The following MPP7 variants were observed in gnomAD, a reference collection of about 807,000 sequenced individuals.
MPP7 encodes the protein MAGUK p55 scaffold protein 7.
In MPP7, 60 loss-of-function variants were observed where a neutral mutation model predicts 76.5. That is an observed-to-expected ratio of 0.78 (90% confidence interval 0.64 to 0.97). The LOEUF is 0.97. Ranked by LOEUF, MPP7 falls within the 50% of genes least tolerant of loss-of-function variation. The pLI is 0.00. For missense variants in MPP7, 641 were observed against 694.0 expected (o/e 0.92, Z 0.86); for synonymous variants, 237 against 244.5 (o/e 0.97, Z 0.29).
At chr10:28,087,110 G>T (rs116114578) in intron 12 of MPP7, among the ~76,000 whole-genome samples, 18 of 152,144 alleles carry the variant, frequency 1.2e-4, no homozygotes, top group Non-Finnish European at 2.2e-4. Context: ...CCTCCCTGGC[G>T]TGAGGCAGTG....
chr10:28,074,685 C>G (rs1297877244), intron 12 of MPP7, among the ~76,000 whole-genome samples: 1 of 152,206 alleles, frequency 6.6e-6, no homozygotes, highest in Non-Finnish European at 1.5e-5. Context: ...TCTCTTGCTT[C>G]TAGCTCCTTT....
At chr10:28,303,779 A>T (rs991589494), upstream of MPP7, among the ~76,000 whole-genome samples, 2 of 152,260 alleles carry the variant, frequency 1.3e-5, no homozygotes, top group African/African-American at 4.8e-5. Flanking sequence ...AACATGCTTA[A>T]TATCTGAGGG....
intron 2 of MPP7, among the ~76,000 whole-genome samples, chr10:28,233,925 A>AGAAGAGAGAAGACAGAAGAGG (rs1375692893): frequency 6.6e-6 from 1 of 151,868 alleles, no homozygotes; most frequent in Admixed American, 6.6e-5. Flanking sequence ...GCAGAGGGAA[A>AGAAGAGAGAAGACAGAAGAGG]GAAGAGAGAA....
At chr10:28,318,389 T>C (rs969946497) in intron 2 of MPP7, among the ~76,000 whole-genome samples, 4 of 152,138 alleles carry the variant, frequency 2.6e-5, no homozygotes, top group Non-Finnish European at 5.9e-5. Flanking sequence ...AGCTTCTCTG[T>C]TGAAAAGCAA....
At position 28,217,452 on chromosome 10, in the gene MPP7, G is replaced by A. The variant is rs774414828; in HGVS notation, c.38-15181C>T. Reference sequence around the variant, plus strand: ...TGAGGCACGAGAATCGCTTGAACCCGGGAGGCAGAGGTTGCAGTGAGCCGA... The same window carrying A: ...TGAGGCACGAGAATCGCTTGAACCCAGGAGGCAGAGGTTGCAGTGAGCCGA... On this transcript the variant is annotated intron_variant, in intron 2 of 16. Transcript: ENST00000683449. 1.4e-3 allele frequency among the ~76,000 whole-genome samples: 205 copies of A among 151,104 alleles called. 3 individuals carry two copies. Among genetic ancestry groups the A allele is most frequent in the South Asian group, 1.7e-3 (8 of 4,764 alleles).
chr10:28,069,338 T>C (rs1479212395), intron 13 of MPP7, among the ~76,000 whole-genome samples: 1 of 152,154 alleles, frequency 6.6e-6, no homozygotes, highest in African/African-American at 2.4e-5. Flanking sequence ...GGTGTGATGG[T>C]TCACGCCTGT....
intron 1 of MPP7, among the ~76,000 whole-genome samples, chr10:28,332,595 T>C (rs1834481771): frequency 6.6e-6 from 1 of 152,162 alleles, no homozygotes; most frequent in Non-Finnish European, 1.5e-5. Flanking sequence ...AGCACTTAAA[T>C]TGTAGCACTT....
At chr10:28,325,931 G>A (rs576663413) in intron 2 of MPP7, among the ~76,000 whole-genome samples, 14 of 144,900 alleles carry the variant, frequency 9.7e-5, no homozygotes, top group African/African-American at 2.3e-4. Context: ...AGCTATGATC[G>A]TACCACTTCA....
chr10:28,097,982 T>C (rs1039524027), intron 11 of MPP7, among the ~76,000 whole-genome samples: 8 of 152,206 alleles, frequency 5.3e-5, no homozygotes, highest in Admixed American at 5.2e-4. Flanking sequence ...ACAGTTGCAA[T>C]TTGGTCACTT....
intron 3 of MPP7, among the ~76,000 whole-genome samples, chr10:28,158,075 A>C (rs1290833567): frequency 6.6e-6 from 1 of 152,208 alleles, no homozygotes; most frequent in African/African-American, 2.4e-5. Flanking sequence ...TGATAAGTGG[A>C]CATATAAATC....
At chr10:28,085,379 G>C (rs897850353) in intron 12 of MPP7, among the ~76,000 whole-genome samples, 3 of 152,170 alleles carry the variant, frequency 2.0e-5, no homozygotes, top group Non-Finnish European at 2.9e-5. Flanking sequence ...TTATTATATA[G>C]CATGGAGGAA....
At position 28,238,664 on chromosome 10, in the gene MPP7, C is replaced by T. The variant is rs1839161502; in HGVS notation, c.-60G>A. The T allele has an allele frequency of 2.5e-6, 4 of 1,577,994 alleles. No individual in the cohort carries two copies. The highest frequency in any genetic ancestry group is 3.5e-6 in the Non-Finnish European group (4 of 1,148,688). On this transcript the variant is annotated 5_prime_UTR_variant, in exon 2 of 17. Transcript: ENST00000683449. Reference sequence around the variant, plus strand: ...CTCCGGACACCCTGCCTTCGGACAGCCACAGGGAATTCCAATTCAACAGCC... The same window carrying T: ...CTCCGGACACCCTGCCTTCGGACAGTCACAGGGAATTCCAATTCAACAGCC...
intron 1 of MPP7, among the ~76,000 whole-genome samples, chr10:28,240,207 AT>A (rs1839219593): frequency 6.6e-6 from 1 of 152,286 alleles, no homozygotes; most frequent in South Asian, 2.1e-4. Context: ...TTAGAAGCAT[AT>A]TTTTAACATA....
intron 3 of MPP7, among the ~76,000 whole-genome samples, chr10:28,171,308 T>C (rs7912085): frequency 0.13 from 20,399 of 152,108 alleles, 2,025 homozygotes; most frequent in African/African-American, 0.28. Context: ...AAATGAAAAT[T>C]AATGAAAACC....
At chr10:28,286,346 A>C (rs74908786) in intron 1 of MPP7, among the ~76,000 whole-genome samples, 2 of 145,188 alleles carry the variant, frequency 1.4e-5, no homozygotes. Flanking sequence ...ACTCCACCTC[A>C]AAAAAAAATA....
rs762527975 is a variant in MPP7, at chr10:28,124,111, T to C, written c.535A>G (p.Ile179Val). ...TCCCTAAGTTCATCACCAACATGAATAAGACCTGAGAAATAGGAGATTTGG... is the reference window on the plus strand; with the variant it reads ...TCCCTAAGTTCATCACCAACATGAACAAGACCTGAGAAATAGGAGATTTGG... ...RGGAADRSGL[I>V]HVGDELREVN... Residue 179 changes from isoleucine (I) to valine (V), a missense_variant, in exon 8 of 17, where the codon ATT becomes GTT. Physicochemically the swap from Ile to Val is conservative, Grantham distance 29. Transcript: ENST00000683449. 37 of 1,605,498 alleles carry C rather than the reference T, an allele frequency of 2.3e-5. 1 individual carries two copies. The South Asian group carries it at 3.6e-4, about 16-fold the overall frequency.
chr10:28,218,716 T>C (rs547292723), intron 2 of MPP7, among the ~76,000 whole-genome samples: 2 of 152,156 alleles, frequency 1.3e-5, no homozygotes, highest in African/African-American at 4.8e-5. Context: ...TAATTCAAAG[T>C]AAAAAATTAC....
chr10:28,233,971 GAGAGAAA>G (rs905306220), intron 2 of MPP7, among the ~76,000 whole-genome samples: 2 of 151,134 alleles, frequency 1.3e-5, no homozygotes, highest in African/African-American at 4.9e-5. Context: ...GAGGAAGGAG[GAGAGAAA>G]AGAGAAAAGA....
rs991682721 is a variant in MPP7, at chr10:28,154,314, T to C, written c.157-4255A>G. The stretch of plus-strand genomic sequence containing the variant: ...CAAAGTAGCCCTAGAAAAGTAGCTA[T>C]TCTGTGTGTGTATATCATAAAGCCT... On this transcript the variant is annotated intron_variant, in intron 3 of 16. Coordinates refer to ENST00000683449, the MANE Select transcript of MPP7 (RefSeq NM_001318170.2). 1.3e-4 allele frequency among the ~76,000 whole-genome samples: 20 copies of C among 152,298 alleles called. No individual in the cohort carries two copies. The South Asian group carries it at 1.9e-3, about 14-fold the overall frequency.
Sources: gnomAD v4.1 joint callset for allele counts (sites outside exome capture counted in the v4.1 genomes callset) on GRCh38, gnomAD v4.1.1 for gene constraint, MANE v1.5 for transcripts, NCBI Gene and HGNC (gene_info 2026-07-23, HGNC 2026-07-21) for gene names.